The following NUP37 variants were observed in gnomAD, a reference collection of about 807,000 sequenced individuals.
NUP37 encodes the protein nucleoporin Nup37.
Under a neutral mutation model 45.4 loss-of-function variants are expected in NUP37, and 33 were observed. The observed-to-expected ratio is 0.73, with a 90% CI of 0.55 to 0.97. NUP37 has a LOEUF of 0.97. Ranked by LOEUF, NUP37 falls within the 50% of genes least tolerant of loss-of-function variation. NUP37 has a pLI of 0.00. For missense variants in NUP37, 365 were observed against 389.7 expected (o/e 0.94, Z 0.53); for synonymous variants, 127 against 130.7 (o/e 0.97, Z 0.19).
At chr12:102,112,971 G>T (rs1194351357) in intron 2 of NUP37, among the ~76,000 whole-genome samples, 1 of 152,110 alleles carries the variant, frequency 6.6e-6, no homozygotes, top group African/African-American at 2.4e-5. Flanking sequence ...GCTTAATAAA[G>T]TTGGCTTATT....
intron 5 of NUP37, among the ~76,000 whole-genome samples, chr12:102,087,599 C>A (rs1879508256): frequency 1.3e-5 from 2 of 152,190 alleles, no homozygotes; most frequent in South Asian, 4.1e-4. Context: ...ATTATGGCAA[C>A]TGATCAAGTA....
Position 102,112,142 on chromosome 12 carries a change from C to G in NUP37, c.247G>C (p.Glu83Gln). The G allele has an allele frequency of 1.2e-6, 2 of 1,613,920 alleles. No individual in the cohort carries two copies. ...GGAGGCAATGAATCAAGTCTAGTCT[C>G]TGGGCTCCAAGCTATGCCATCAACC... is the stretch of plus-strand genomic sequence containing the variant. ...VRVDGIAWSP[E>Q]TRLDSLPPVI... is the part of the protein sequence containing the mutation. The change falls in exon 3 of 10, where the codon GAG becomes CAG. Residue 83 changes from glutamate (E) to glutamine (Q), a missense_variant. By Grantham distance (29) the Glu-to-Gln change is conservative. Coordinates refer to ENST00000552283, the MANE Select transcript of NUP37 (RefSeq NM_024057.4).
At position 102,077,395 on chromosome 12, in the gene NUP37, A is replaced by G. The variant is rs1361446301; in HGVS notation, c.649T>C (p.Cys217Arg). The part of the protein sequence containing the change: ...EQVPLMSAHW[C>R]LKNTFKVGAV... Reference sequence around the variant, plus strand: ...CCAACTTTGAAGGTGTTTTTTAAGCACCAGTGTGCTGACATTAATGGCACT... The same window carrying G: ...CCAACTTTGAAGGTGTTTTTTAAGCGCCAGTGTGCTGACATTAATGGCACT... The change falls in exon 7 of 10, where the codon TGC (cysteine) becomes CGC (arginine). Residue 217 changes from cysteine (C) to arginine (R), a missense_variant. By Grantham distance (180) the Cys-to-Arg change is radical. Coordinates refer to ENST00000552283, the MANE Select transcript of NUP37 (RefSeq NM_024057.4). 1 of 1,614,144 alleles carries G rather than the reference A, an allele frequency of 6.2e-7. No individual in the cohort carries two copies. The highest frequency in any genetic ancestry group is 8.5e-7 in the Non-Finnish European group (1 of 1,179,994).
At chr12:102,117,441 G>GA (rs55747025) in intron 2 of NUP37, among the ~76,000 whole-genome samples, 41,857 of 146,304 alleles carry the variant, frequency 0.29, 5,979 homozygotes, top group East Asian at 0.42. Flanking sequence ...AACTCTGTCT[G>GA]AAAAAAAAAA....
intron 9 of NUP37, 158 bp downstream of exon 9, chr12:102,074,843 C>G: frequency 2.2e-6 from 1 of 450,202 alleles, no homozygotes; most frequent in East Asian, 3.5e-5. Flanking sequence ...ACACAAAAAA[C>G]AAAAACAAAT....
Position 102,118,278 on chromosome 12 carries a change from C to T in NUP37, c.156+85G>A, listed in dbSNP as rs951539190. 1.1e-5 allele frequency: 14 copies of T among 1,246,020 alleles called. No homozygotes were observed. In the Admixed American group the frequency reaches 2.6e-4, roughly 23 times the overall value. The allele number at this position is 1,246,020 out of a possible 1,614,324, so 77.2% of individuals were successfully genotyped here. ...TTTTTTAACATTCAAACTCAATATA[C>T]TTTCAAAGTTTAGATTTGGTTTGTG... On this transcript the variant is annotated intron_variant, in intron 2 of 9. Coordinates refer to ENST00000552283, the MANE Select transcript of NUP37 (RefSeq NM_024057.4).
At chr12:102,091,172 G>A (rs1401176811) in intron 5 of NUP37, among the ~76,000 whole-genome samples, 3 of 151,918 alleles carry the variant, frequency 2.0e-5, no homozygotes, top group East Asian at 1.9e-4. Context: ...TGAGGCAGGC[G>A]GATCACCTGA....
chr12:102,103,063 C>T (rs1168644276), intron 3 of NUP37, among the ~76,000 whole-genome samples: 1 of 151,900 alleles, frequency 6.6e-6, no homozygotes. Flanking sequence ...CTCAAAATTG[C>T]TTTGGCTATC....
intron 3 of NUP37, among the ~76,000 whole-genome samples, chr12:102,103,133 T>C (rs1440790849): frequency 6.6e-6 from 1 of 152,180 alleles, no homozygotes; most frequent in Non-Finnish European, 1.5e-5. Context: ...CTGTGAAGAA[T>C]GACATTGGAG....
intron 3 of NUP37, among the ~76,000 whole-genome samples, chr12:102,106,720 C>A (rs1283690160): frequency 6.6e-6 from 1 of 152,008 alleles, no homozygotes; most frequent in East Asian, 1.9e-4. Context: ...CAAAAAAAAC[C>A]AAGGAAAGCC....
chr12:102,087,593 T>C (rs2136723006), intron 5 of NUP37, among the ~76,000 whole-genome samples: 1 of 152,334 alleles, frequency 6.6e-6, no homozygotes, highest in East Asian at 1.9e-4. Flanking sequence ...TTATTAATTA[T>C]GGCAACTGAT....
chr12:102,078,421 G>A (rs929478763), intron 6 of NUP37, among the ~76,000 whole-genome samples: 1 of 152,144 alleles, frequency 6.6e-6, no homozygotes, highest in African/African-American at 2.4e-5. Context: ...TTCCTTCTGG[G>A]AAAAGTTACT....
At chr12:102,086,145 T>C (rs74806450) in intron 5 of NUP37, among the ~76,000 whole-genome samples, 5,409 of 152,292 alleles carry the variant, frequency 0.036, 136 homozygotes, top group African/African-American at 0.062. Context: ...AAATTATTTA[T>C]ATACTCTTTA....
At chr12:102,083,519 C>A (rs904855746) in intron 6 of NUP37, among the ~76,000 whole-genome samples, 2 of 152,204 alleles carry the variant, frequency 1.3e-5, no homozygotes, top group Non-Finnish European at 2.9e-5. Context: ...GTTAATCCTT[C>A]TTTATGTCAT....
chr12:102,077,554 TACCTGAAGTGTAAGC>T (rs1194192495), intron 6 of NUP37, 51 bp from the exon 7 acceptor site: 1 of 1,495,650 alleles, frequency 6.7e-7, no homozygotes, highest in Non-Finnish European at 9.1e-7. Context: ...TCACTAACTA[TACCTGAAGTGTAAGC>T]AGAGATTCAC....
At chr12:102,112,964 TAATAAA>T (rs1880359772) in intron 2 of NUP37, among the ~76,000 whole-genome samples, 2 of 152,218 alleles carry the variant, frequency 1.3e-5, no homozygotes, top group Non-Finnish European at 2.9e-5. Context: ...AATAAATGCT[TAATAAA>T]GTTGGCTTAT....
At chr12:102,113,372 A>G (rs1407121417) in intron 2 of NUP37, among the ~76,000 whole-genome samples, 1 of 152,202 alleles carries the variant, frequency 6.6e-6, no homozygotes, top group Admixed American at 6.5e-5. Context: ...TAAGGGAAGG[A>G]TACTTAGGGG....
At chr12:102,082,480 G>T (rs1161946115) in intron 6 of NUP37, among the ~76,000 whole-genome samples, 1 of 152,220 alleles carries the variant, frequency 6.6e-6, no homozygotes, top group Non-Finnish European at 1.5e-5. Context: ...TATCAACGAT[G>T]ACCAGCAGCT....
chr12:102,115,169 T>C (rs1370730101), intron 2 of NUP37, among the ~76,000 whole-genome samples: 1 of 152,234 alleles, frequency 6.6e-6, no homozygotes, highest in Non-Finnish European at 1.5e-5. Context: ...TTAAAATACA[T>C]TATCTTCTCT....
Sources: gnomAD v4.1 joint callset for allele counts (sites outside exome capture counted in the v4.1 genomes callset) on GRCh38, gnomAD v4.1.1 for gene constraint, MANE v1.5 for transcripts, NCBI Gene and HGNC (gene_info 2026-07-23, HGNC 2026-07-21) for gene names.